ZNF536: variants seen among roughly 807,000 people sequenced by gnomAD.
The protein encoded by ZNF536 is zinc finger protein 536.
ZNF536 carries 13 observed loss-of-function variants against 84.5 expected under a neutral mutation model. The observed-to-expected ratio is 0.15, with a 90% CI of 0.10 to 0.24. ZNF536 has a LOEUF of 0.24. ZNF536 is among the 10% of genes least tolerant of loss of function. The probability of loss-of-function intolerance (pLI) is 1.00; values close to 1 mark genes in which losing one functional copy is unlikely to be tolerated. For missense variants in ZNF536, 1,536 were observed against 1,747.5 expected, an observed-to-expected ratio of 0.88 and a Z score of 2.16; for synonymous variants, 811 against 742.5, an observed-to-expected ratio of 1.09 and a Z score of -1.50.
chr19:30,582,779 T>C (rs1487688331), intron 1 of ZNF536, among the ~76,000 whole-genome samples: 1 of 152,062 alleles, frequency 6.6e-6, no homozygotes, highest in Non-Finnish European at 1.5e-5. Context: ...GGGAAACCCC[T>C]CATAGAACCA....
At chr19:30,673,851 G>A (rs988090113) in intron 1 of ZNF536, among the ~76,000 whole-genome samples, 18 of 152,208 alleles carry the variant, frequency 1.2e-4, no homozygotes, top group African/African-American at 4.3e-4. Context: ...TTAATTGAAT[G>A]CTAGTGTTAA....
rs554500410 is a variant in ZNF536 at position 30,526,580 on chromosome 19, C to T, written c.2171-8267C>T. ...TCTACTAAAAATACAAAAAATTAGCCGGGCGTAGTGGCGGGCGCCTGTAGT... is the reference window on the plus strand; with the variant it reads ...TCTACTAAAAATACAAAAAATTAGCTGGGCGTAGTGGCGGGCGCCTGTAGT... On this transcript the variant is annotated intron_variant, in intron 2 of 4. Transcript: ENST00000355537. 8.2e-5 allele frequency among the ~76,000 whole-genome samples: 12 copies of T among 146,038 alleles called. 1 individual carries two copies. The highest frequency in any genetic ancestry group is 3.9e-4 in the East Asian group (2 of 5,092).
intron 3 of ZNF536, among the ~76,000 whole-genome samples, chr19:30,543,629 C>T (rs1283779756): frequency 1.6e-4 from 25 of 152,180 alleles, no homozygotes. Flanking sequence ...GGCTGGGAAG[C>T]GGTTCTCAGC....
chr19:30,457,081 C>T (rs1435871989), intron 2 of ZNF536, among the ~76,000 whole-genome samples: 1 of 151,582 alleles, frequency 6.6e-6, no homozygotes, highest in Non-Finnish European at 1.5e-5. Context: ...AATAGAGATG[C>T]ATCTCAGTGT....
chr19:30,343,156 C>A (rs2047618829), intron 2 of ZNF536, among the ~76,000 whole-genome samples: 1 of 152,168 alleles, frequency 6.6e-6, no homozygotes, highest in African/African-American at 2.4e-5. Context: ...GGGAACAGGA[C>A]AAGTACCCCT....
intron 1 of ZNF536, among the ~76,000 whole-genome samples, chr19:30,602,225 G>T (rs995573896): frequency 1.3e-5 from 2 of 152,242 alleles, no homozygotes; most frequent in East Asian, 3.8e-4. Flanking sequence ...CTCATTGGCT[G>T]CCTGGATTCA....
chr19:30,402,823 A>ATATATATATATATATATATATATATAT (rs71171802), intron 1 of ZNF536, among the ~76,000 whole-genome samples: 7 of 138,376 alleles, frequency 5.1e-5, no homozygotes, highest in Non-Finnish European at 1.1e-4. Context: ...ATATATATAT[A>ATATATATATATATATATATATATATAT]ATTTTCAAAA....
At chr19:30,249,422 G>C (rs981268084) in intron 1 of ZNF536, among the ~76,000 whole-genome samples, 1 of 152,132 alleles carries the variant, frequency 6.6e-6, no homozygotes, top group African/African-American at 2.4e-5. Flanking sequence ...TGTGGCATGA[G>C]TTCTATAGGT....
chr19:30,708,172 G>C (rs991422638), intron 1 of ZNF536, among the ~76,000 whole-genome samples: 1 of 136,842 alleles, frequency 7.3e-6, no homozygotes, highest in Non-Finnish European at 1.7e-5. Context: ...AGGAATTCAC[G>C]GCCTTTTTGG....
intron 2 of ZNF536, among the ~76,000 whole-genome samples, chr19:30,510,208 T>A (rs2055352990): frequency 6.6e-6 from 1 of 152,220 alleles, no homozygotes; most frequent in African/African-American, 2.4e-5. Flanking sequence ...GGTGCTTGTT[T>A]GTTATGAGAA....
upstream of ZNF536, among the ~76,000 whole-genome samples, chr19:30,227,264 GT>G (rs2022664839): frequency 6.6e-6 from 1 of 152,108 alleles, no homozygotes; most frequent in Non-Finnish European, 1.5e-5. Context: ...GGAAAGTTAA[GT>G]CCCCCCCTTT....
At chr19:30,685,601 T>A (rs576006201) in intron 1 of ZNF536, among the ~76,000 whole-genome samples, 38 of 152,210 alleles carry the variant, frequency 2.5e-4, no homozygotes, top group Admixed American at 9.2e-4. Context: ...GTCACGATTT[T>A]AAAAAAATAA....
At chr19:30,492,413 TTTC>T (rs2054545217) in intron 2 of ZNF536, among the ~76,000 whole-genome samples, 1 of 152,216 alleles carries the variant, frequency 6.6e-6, no homozygotes, top group Non-Finnish European at 1.5e-5. Context: ...CTTCCCATCA[TTTC>T]TGGGGAATGT....
chr19:30,659,367 A>C (rs1281637958), intron 1 of ZNF536, among the ~76,000 whole-genome samples: 2 of 152,130 alleles, frequency 1.3e-5, no homozygotes, highest in Non-Finnish European at 2.9e-5. Context: ...CACTCTTGTC[A>C]TGACAAGACC....
At chr19:30,483,002 T>G (rs1029824795) in intron 2 of ZNF536, among the ~76,000 whole-genome samples, 1 of 152,176 alleles carries the variant, frequency 6.6e-6, no homozygotes, top group Non-Finnish European at 1.5e-5. Flanking sequence ...CCATTTCTGT[T>G]AGGTCTGGCC....
chr19:30,292,332 T>TC (rs1324477104), intron 2 of ZNF536, among the ~76,000 whole-genome samples: 1 of 148,754 alleles, frequency 6.7e-6, no homozygotes, highest in Non-Finnish European at 1.5e-5. Context: ...TTTTTTTTTT[T>TC]CTCTTTTTCT....
intron 1 of ZNF536, among the ~76,000 whole-genome samples, chr19:30,591,705 T>C (rs1012285494): frequency 6.6e-6 from 1 of 152,176 alleles, no homozygotes; most frequent in Non-Finnish European, 1.5e-5. Context: ...CCAGCTTTGA[T>C]GGGTTGCTGG....
intron 1 of ZNF536, among the ~76,000 whole-genome samples, chr19:30,610,056 A>G (rs1052048412): frequency 4.6e-5 from 7 of 152,176 alleles, no homozygotes; most frequent in African/African-American, 1.4e-4. Flanking sequence ...TCATCCATCC[A>G]TGTCACAGAT....
intron 1 of ZNF536, among the ~76,000 whole-genome samples, chr19:30,692,184 A>C (rs984457646): frequency 6.6e-6 from 1 of 152,246 alleles, no homozygotes; most frequent in Non-Finnish European, 1.5e-5. Context: ...AGTCATTAGA[A>C]ACCCTGCAGT....
Sources: gnomAD v4.1 joint callset for allele counts (sites outside exome capture counted in the v4.1 genomes callset) on GRCh38, gnomAD v4.1.1 for gene constraint, MANE v1.5 for transcripts, NCBI Gene and HGNC (gene_info 2026-07-23, HGNC 2026-07-21) for gene names.